MYO7B: variants seen among roughly 807,000 people sequenced by gnomAD.
MYO7B encodes the protein myosin VIIB, also known as unconventional myosin-VIIb.
MYO7B carries 212 observed loss-of-function variants against 259.7 expected under a neutral mutation model. That is an observed-to-expected ratio of 0.82 (90% CI 0.73 to 0.91). The LOEUF (loss-of-function observed/expected upper bound fraction) is 0.91, where lower values mean the gene tolerates loss of function less well. Ranked by LOEUF, MYO7B falls within the 40% of genes least tolerant of loss-of-function variation. The pLI is 0.00. For synonymous variants in MYO7B, 1,197 were observed against 1,166.4 expected, an observed-to-expected ratio of 1.03 and a Z score of -0.54; for missense variants, 2,732 against 2,813.5, an observed-to-expected ratio of 0.97 and a Z score of 0.66.
intron 1 of MYO7B, among the ~76,000 whole-genome samples, chr2:127,557,412 T>G (rs970909112): frequency 6.6e-6 from 1 of 152,168 alleles, no homozygotes; most frequent in Non-Finnish European, 1.5e-5. Context: ...AGTCAGGGAT[T>G]TCTTCTTGGT....
At chr2:127,617,301 A>G (rs151214921) in intron 26 of MYO7B, among the ~76,000 whole-genome samples, 2 of 152,282 alleles carry the variant, frequency 1.3e-5, no homozygotes, top group Non-Finnish European at 2.9e-5. Context: ...TGGGGCAAAA[A>G]ATTCTCTCAA....
At chr2:127,548,136 G>A (rs192091212) in intron 1 of MYO7B, among the ~76,000 whole-genome samples, 1 of 152,044 alleles carries the variant, frequency 6.6e-6, no homozygotes, top group South Asian at 2.1e-4. Context: ...TTTAATGTCC[G>A]TGGGATCAGA....
At chr2:127,605,957 C>CA in intron 20 of MYO7B, 29 bp downstream of exon 20, 1 of 1,591,302 alleles carries the variant, frequency 6.3e-7, no homozygotes, top group Non-Finnish European at 8.6e-7. Flanking sequence ...GCGGCTGGGC[C>CA]GCGGGACCAG....
rs1319117223 is a variant in MYO7B, at chr2:127,637,508, T to C, written c.*91T>C. ...GCCCTCTCAACCCAGGGCCTGTCCT[T>C]GGCGGGCAGCCTTCCATGCTGCCCC... On this transcript the variant is annotated 3_prime_UTR_variant, in exon 48 of 48. Transcript: ENST00000409816. 4.0e-6 allele frequency: 4 copies of C among 1,006,358 alleles called. No individual in the cohort carries two copies. In the African/African-American group the frequency reaches 4.9e-5, roughly 12 times the overall value. The allele number at this position is 1,006,358 out of a possible 1,614,324, so 62.3% of individuals were successfully genotyped here.
intron 26 of MYO7B, among the ~76,000 whole-genome samples, chr2:127,619,538 C>CT: frequency 6.6e-6 from 1 of 152,066 alleles, no homozygotes. Flanking sequence ...TGCAGGAACT[C>CT]AGAGAGCCAG....
intron 16 of MYO7B, among the ~76,000 whole-genome samples, chr2:127,592,238 T>C (rs1679584826): frequency 6.6e-6 from 1 of 152,036 alleles, no homozygotes; most frequent in Admixed American, 6.5e-5. Context: ...TAACTAAAAA[T>C]ACAAAACTTA....
chr2:127,612,385 C>T, intron 25 of MYO7B, 58 bp downstream of exon 25: 1 of 1,522,064 alleles, frequency 6.6e-7, no homozygotes, highest in Middle Eastern at 1.7e-4. Flanking sequence ...TACAGGGTTC[C>T]AGTCTATTGC....
intron 1 of MYO7B, among the ~76,000 whole-genome samples, chr2:127,545,327 G>A (rs547852347): frequency 4.6e-4 from 70 of 152,340 alleles, no homozygotes; most frequent in African/African-American, 1.7e-3. Flanking sequence ...GGGCAGGCAG[G>A]GTCATCTGAG....
Position 127,565,340 on chromosome 2 carries a change from C to A in MYO7B, c.240C>A (p.Gly80=). 6.2e-7 allele frequency: 1 copy of A among 1,614,050 alleles called. No homozygotes were observed. The highest frequency in any genetic ancestry group is 1.1e-5 in the South Asian group (1 of 91,082). The change falls in exon 4 of 48, where the codon GGC becomes GGA. Residue 80 remains glycine (G), a synonymous_variant. Transcript: ENST00000409816. ...MIRLGDLNEA[G]MVHNLLIRYQ... ...GCCTGGGGGACCTGAACGAGGCAGG[C>A]ATGGTGCACAACCTCCTGATCCGCT...
chr2:127,576,429 G>T lies in MYO7B; in HGVS notation c.736-166G>T, dbSNP rs955599333. Among the ~76,000 whole-genome samples the T allele has an allele frequency of 6.6e-6, 1 of 152,172 alleles. No individual in the cohort carries two copies. The highest frequency in any genetic ancestry group is 1.5e-5 in the Non-Finnish European group (1 of 68,026). On this transcript the variant is annotated intron_variant, in intron 7 of 47. Coordinates refer to ENST00000409816, the MANE Select transcript of MYO7B (RefSeq NM_001393586.1). This position sits in a 1 kb window ranked among gnomAD's most constrained non-coding sequence, Gnocchi z 4.9. ...GAGACAGCCGCGGAGGCCCGGGACA[G>T]GGACAGCAACCAAGCCAGGCTGGCC... is the stretch of plus-strand genomic sequence containing the variant.
chr2:127,568,852 C>T (rs1306774048), intron 5 of MYO7B, among the ~76,000 whole-genome samples: 5 of 150,902 alleles, frequency 3.3e-5, no homozygotes, highest in African/African-American at 2.4e-5. Flanking sequence ...GAGCTGAGAT[C>T]GTGCCATTGC....
At chr2:127,598,190 G>C (rs940353011) in intron 19 of MYO7B, among the ~76,000 whole-genome samples, 1 of 152,228 alleles carries the variant, frequency 6.6e-6, no homozygotes, top group African/African-American at 2.4e-5. Flanking sequence ...CTGCCAAAGT[G>C]TTTTCAAGAG....
chr2:127,551,175 C>T (rs1161880664), intron 1 of MYO7B, among the ~76,000 whole-genome samples: 2 of 152,200 alleles, frequency 1.3e-5, no homozygotes, highest in African/African-American at 4.8e-5. Flanking sequence ...TGGGTTCTAC[C>T]AGGCATCTCT....
chr2:127,634,758 C>CCCATGCCCATTCATCCATCCATTCGTT (rs1234372978), intron 42 of MYO7B, 75 bp downstream of exon 42: 100 of 1,306,674 alleles, frequency 7.7e-5, no homozygotes. Flanking sequence ...CTCTGTGCGG[C>CCCATGCCCATTCATCCATCCATTCGTT]CCATGCCCAT....
chr2:127,543,355 C>T (rs1464083831), intron 1 of MYO7B, among the ~76,000 whole-genome samples: 1 of 152,044 alleles, frequency 6.6e-6, no homozygotes, highest in African/African-American at 2.4e-5. Context: ...ACATCCTGCA[C>T]AGCCGTAAAT....
rs908992192 is a variant in MYO7B, at chr2:127,559,926, C to T, written c.18+186C>T. ...AACAAGTTTGGCCAGCCACTGGCCT[C>T]GGCAATACATGTATAGTTATGTATA... On this transcript the variant is annotated intron_variant, in intron 2 of 47. Transcript: ENST00000409816. This position sits in a 1 kb window ranked among gnomAD's most constrained non-coding sequence, Gnocchi z 4.1. Among the ~76,000 whole-genome samples, 5 of 152,078 alleles carry T rather than the reference C, an allele frequency of 3.3e-5. No individual in the cohort carries two copies. Among genetic ancestry groups the T allele is most frequent in the African/African-American group, 1.2e-4 (5 of 41,390 alleles).
rs747920549 is a variant in MYO7B, at chr2:127,584,318, A to C, written c.1540A>C (p.Ser514Arg). The change falls in exon 13 of 48, where the codon AGC becomes CGC. Residue 514 changes from serine to arginine, a missense_variant. Around this residue, in one of 3 missense-constraint regions of MYO7B, gnomAD observed 1,906 missense variants for 2,026.4 expected, o/e 0.94. Transcript: ENST00000409816. This position sits in a 1 kb window ranked among gnomAD's most constrained non-coding sequence, Gnocchi z 5.8. ...MSIISLLDEE[S>R]RFPQGTDLTM... ...CATCATCTCCCTCCTGGACGAAGAA[A>C]GCCGCTTCCCGCAGGTGTGTGTTCG... The C allele has an allele frequency of 6.2e-7, 1 of 1,613,896 alleles. No individual in the cohort carries two copies. Among genetic ancestry groups the C allele is most frequent in the South Asian group, 1.1e-5 (1 of 91,076 alleles).
intron 16 of MYO7B, 29 bp from the exon 17 acceptor site, chr2:127,592,765 C>G (rs770961850): frequency 6.3e-7 from 1 of 1,596,166 alleles, no homozygotes; most frequent in South Asian, 1.1e-5. Flanking sequence ...GGGGCTTGCG[C>G]TGGGTCAGCG....
Position 127,607,275 on chromosome 2 carries a change from A to G in MYO7B, c.2494A>G (p.Met832Val). ...GCCGCTGGCGAGGCAGTACCAGGCCATGCGGCAGAGGACAGTCCAGCTGCA... is the reference window on the plus strand; with the variant it reads ...GCCGCTGGCGAGGCAGTACCAGGCCGTGCGGCAGAGGACAGTCCAGCTGCA... ...SQPLARQYQA[M>V]RQRTVQLQAL... is the part of the protein sequence containing the mutation. The change falls in exon 21 of 48, where the codon ATG (methionine) becomes GTG (valine). Residue 832 changes from methionine to valine, a missense_variant. Transcript: ENST00000409816. This position sits in a 1 kb window ranked among gnomAD's most constrained non-coding sequence, Gnocchi z 4.4. 6.4e-7 allele frequency: 1 copy of G among 1,551,290 alleles called. No homozygotes were observed. Among genetic ancestry groups the G allele is most frequent in the Non-Finnish European group, 8.7e-7 (1 of 1,146,996 alleles).
Sources: allele counts gnomAD v4.1 joint callset (sites outside exome capture counted in the v4.1 genomes callset), GRCh38; gene constraint gnomAD v4.1.1; regional missense constraint gnomAD v4.1.1; non-coding constraint Gnocchi (gnomAD v3.1); transcripts MANE v1.5; gene names NCBI Gene and HGNC (gene_info 2026-07-23, HGNC 2026-07-21).